Variants in GCN1 observed in about 807,000 individuals in gnomAD.
GCN1 encodes the protein stalled ribosome sensor GCN1.
Under a neutral mutation model 288.4 loss-of-function variants are expected in GCN1, and 90 were observed. The observed-to-expected ratio is 0.31, with a 90% confidence interval of 0.26 to 0.37. GCN1 has a LOEUF of 0.37. Ranked by LOEUF, GCN1 falls within the 10% of genes least tolerant of loss-of-function variation. The pLI is 1.00. For synonymous variants in GCN1, 1,386 were observed against 1,420.2 expected (o/e 0.98, Z 0.54); for missense variants, 2,586 against 3,419.9 (o/e 0.76, Z 6.08).
rs762094077 is a variant in GCN1, at chr12:120,137,582, A to C, written c.6626T>G (p.Leu2209Arg). The change falls in exon 49 of 58, where the codon CTG becomes CGG. Residue 2209 changes from leucine (L) to arginine (R), a missense_variant. Physicochemically the swap from Leu to Arg is moderately radical, Grantham distance 102. Coordinates refer to ENST00000300648, the MANE Select transcript of GCN1 (RefSeq NM_006836.2). This position sits in a 1 kb window ranked among gnomAD's most constrained non-coding sequence, Gnocchi z 5.2. ...ATTTAGGGCATCCCAGCTCTCCTCC[A>C]GAACCACAGGGCTGGAGTCATTGAA... ...RLFNDSSPVV[L>R]EESWDALNAI... 6.8e-6 allele frequency: 11 copies of C among 1,614,114 alleles called. No individual in the cohort carries two copies. Among genetic ancestry groups the C allele is most frequent in the Non-Finnish European group, 9.3e-6 (11 of 1,180,052 alleles).
intron 9 of GCN1, 143 bp downstream of exon 9, chr12:120,177,304 T>C: frequency 1.7e-6 from 1 of 593,984 alleles, no homozygotes; most frequent in African/African-American, 1.9e-5. Flanking sequence ...CCCCAATCTC[T>C]CTCCCAAGGT....
In GCN1 at chr12:120,165,022, CACACACACACACACAT is replaced by C. The variant is rs966232467; in HGVS notation, c.1613-317_1613-302del. On this transcript the variant is annotated intron_variant, in intron 16 of 57. Coordinates refer to ENST00000300648, the MANE Select transcript of GCN1 (RefSeq NM_006836.2). Reference sequence around the variant, plus strand: ...ATATATACACACACACACACACACACACACACACACACACATATATATATATATATTTTTTTTTTTG... The same window carrying C: ...ATATATACACACACACACACACACACATATATATATATATTTTTTTTTTTG... Among the ~76,000 whole-genome samples the C allele has an allele frequency of 1.2e-4, 17 of 145,024 alleles. No individual in the cohort carries two copies. The South Asian group carries it at 2.4e-3, about 20-fold the overall frequency.
chr12:120,151,355 C>A lies in GCN1; in HGVS notation c.4099G>T (p.Val1367Leu). 1.2e-6 allele frequency: 2 copies of A among 1,613,804 alleles called. No individual in the cohort carries two copies. The highest frequency in any genetic ancestry group is 1.7e-6 in the Non-Finnish European group (2 of 1,179,870). The change falls in exon 34 of 58, where the codon GTG becomes TTG. Residue 1367 changes from valine (V) to leucine (L), a missense_variant. Val to Leu is a conservative substitution (Grantham distance 32). This residue lies in a region of GCN1 where 332 missense variants were observed against 403.0 expected (regional missense o/e 0.82). Transcript: ENST00000300648. Reference protein sequence around the residue: ...ESVASCLPPLVPAIKEDAGGM... With the variant: ...ESVASCLPPLLPAIKEDAGGM... ...CCAGCATCCTCCTTGATGGCTGGCA[C>A]AAGGGGTGGCAAGCAGCTGGCTACG... is the stretch of plus-strand genomic sequence containing the variant.
At chr12:120,169,295 A>AAAAAAAAAAAAC in intron 15 of GCN1, among the ~76,000 whole-genome samples, 2 of 81,322 alleles carry the variant, frequency 2.5e-5, no homozygotes, top group African/African-American at 1.9e-4. Context: ...AAAAAAAAAA[A>AAAAAAAAAAAAC]GAAAAAAAAA....
At chr12:120,177,958 C>G (rs575076558) in intron 7 of GCN1, among the ~76,000 whole-genome samples, 11 of 152,250 alleles carry the variant, frequency 7.2e-5, no homozygotes, top group African/African-American at 2.6e-4. Context: ...AGTCCAAAGT[C>G]CTTCGTATGG....
Position 120,156,622 on chromosome 12 carries a change from C to T in GCN1, c.3169-18G>A. ...GCCAGAACCTAAGGAGAACATCAAT[C>T]CACTGGTTCAGTCAGCAACTCATTT... On this transcript the variant is annotated intron_variant, in intron 27 of 57. Transcript: ENST00000300648. This position sits in a 1 kb window ranked among gnomAD's most constrained non-coding sequence, Gnocchi z 5.8. 1.2e-6 allele frequency: 2 copies of T among 1,613,128 alleles called. No homozygotes were observed. The highest frequency in any genetic ancestry group is 1.1e-5 in the South Asian group (1 of 91,022).
At position 120,127,548 on chromosome 12, in the gene GCN1, C is replaced by G. The variant is rs1876656595; in HGVS notation, c.*301G>C. ...GGAGAAGAGGAACCCACAGTCTGACCCTGCTATTATAGTTCCAGACCTAGC... is the reference window on the plus strand; with the variant it reads ...GGAGAAGAGGAACCCACAGTCTGACGCTGCTATTATAGTTCCAGACCTAGC... On this transcript the variant is annotated 3_prime_UTR_variant, in exon 58 of 58. Coordinates refer to ENST00000300648, the MANE Select transcript of GCN1 (RefSeq NM_006836.2). 3.5e-6 allele frequency: 1 copy of G among 287,218 alleles called. No homozygotes were observed. Among genetic ancestry groups the G allele is most frequent in the Admixed American group, 4.6e-5 (1 of 21,704 alleles). The allele number at this position is 287,218 out of a possible 1,614,324, so 17.8% of individuals were successfully genotyped here.
rs745971780 is a variant in GCN1, at chr12:120,175,741, C to T, written c.1042+5G>A. On this transcript the variant is annotated splice_donor_5th_base_variant and intron_variant, in intron 11 of 57. Transcript: ENST00000300648. ...CCACCCGCATGGCCAAGAAGGCTTG[C>T]TCACCTCCGAGGATAGCAAATAGGT... 5.0e-6 allele frequency: 8 copies of T among 1,609,690 alleles called. No homozygotes were observed. Among genetic ancestry groups the T allele is most frequent in the South Asian group, 1.1e-5 (1 of 90,092 alleles).
chr12:120,187,684 C>T (rs1447278857), intron 2 of GCN1, among the ~76,000 whole-genome samples: 1 of 152,002 alleles, frequency 6.6e-6, no homozygotes, highest in Non-Finnish European at 1.5e-5. Flanking sequence ...CCTCAACCTC[C>T]TGGGCTCAAG....
At chr12:120,174,314 T>C in intron 12 of GCN1, 145 bp from the exon 13 acceptor site, 1 of 596,628 alleles carries the variant, frequency 1.7e-6, no homozygotes, top group Non-Finnish European at 3.1e-6. Flanking sequence ...ATTATTGATC[T>C]TCCTTCAATG....
At chr12:120,180,173 G>A (rs1700605811) in intron 5 of GCN1, among the ~76,000 whole-genome samples, 1 of 152,136 alleles carries the variant, frequency 6.6e-6, no homozygotes, top group African/African-American at 2.4e-5. Flanking sequence ...GGGTGTGGTG[G>A]CGCATGCCTG....
At chr12:120,159,583 T>C (rs1877862317) in intron 24 of GCN1, among the ~76,000 whole-genome samples, 1 of 152,174 alleles carries the variant, frequency 6.6e-6, no homozygotes, top group Non-Finnish European at 1.5e-5. Context: ...GATCGAACAC[T>C]GACTAGCATC....
intron 2 of GCN1, among the ~76,000 whole-genome samples, chr12:120,185,834 T>A (rs1160407947): frequency 6.6e-6 from 1 of 152,068 alleles, no homozygotes; most frequent in Non-Finnish European, 1.5e-5. Context: ...CTTGTGACCT[T>A]GTGATCCACC....
chr12:120,168,337 A>C, intron 15 of GCN1, 37 bp from the exon 16 acceptor site: 2 of 1,198,254 alleles, frequency 1.7e-6, no homozygotes, highest in Non-Finnish European at 2.5e-6. Flanking sequence ...GACGCAGCTC[A>C]CCACATCCCC....
chr12:120,134,902 C>G lies in GCN1; in HGVS notation c.7009-176G>C, dbSNP rs1331539441. Among the ~76,000 whole-genome samples the G allele has an allele frequency of 6.6e-6, 1 of 152,238 alleles. No homozygotes were observed. The highest frequency in any genetic ancestry group is 1.9e-4 in the East Asian group (1 of 5,194). ...CAAACACAGACAGGTTTCGCTTGGC[C>G]TCCTGGTCATATCCAGCATGCTTTG... On this transcript the variant is annotated intron_variant, in intron 51 of 57. Transcript: ENST00000300648. This position sits in a 1 kb window ranked among gnomAD's most constrained non-coding sequence, Gnocchi z 5.0.
chr12:120,188,292 G>A (rs984628213), intron 2 of GCN1, among the ~76,000 whole-genome samples: 2 of 152,092 alleles, frequency 1.3e-5, no homozygotes, highest in African/African-American at 4.8e-5. Flanking sequence ...ATATTAGCTG[G>A]GCGTGGTAGC....
intron 39 of GCN1, 75 bp from the exon 40 acceptor site, chr12:120,145,136 G>A (rs1877324436): frequency 6.3e-7 from 1 of 1,577,312 alleles, no homozygotes; most frequent in South Asian, 1.1e-5. Flanking sequence ...GGAGCAGGAA[G>A]GGGCACCGAG....
chr12:120,138,643 C>A (rs1032977735), intron 46 of GCN1, 52 bp downstream of exon 46: 1 of 1,562,772 alleles, frequency 6.4e-7, no homozygotes, highest in East Asian at 2.3e-5. Flanking sequence ...TTTCCATCTA[C>A]AAAGACGGCA....
In GCN1 at chr12:120,161,995, T is replaced by C; in HGVS notation, c.2227A>G (p.Ile743Val). 6.2e-7 allele frequency: 1 copy of C among 1,612,786 alleles called. No individual in the cohort carries two copies. Among genetic ancestry groups the C allele is most frequent in the South Asian group, 1.1e-5 (1 of 91,042 alleles). ...TGCACGGAGGCAGTGATGGTGCTGA[T>C]GAGCTGTGGGAGGACCCGGTCCGGC... ...LSPDRVLPQL[I>V]STITASVQNP... Residue 743 changes from isoleucine to valine, a missense_variant, in exon 21 of 58, where the codon ATC becomes GTC. Ile to Val is a conservative substitution (Grantham distance 29, BLOSUM62 3). This residue lies in a region of GCN1 where 913 missense variants were observed against 1,107.0 expected (regional missense o/e 0.82). Coordinates refer to ENST00000300648, the MANE Select transcript of GCN1 (RefSeq NM_006836.2).
Sources: allele counts gnomAD v4.1 joint callset (sites outside exome capture counted in the v4.1 genomes callset), GRCh38; gene constraint gnomAD v4.1.1; regional missense constraint gnomAD v4.1.1; non-coding constraint Gnocchi (gnomAD v3.1); transcripts MANE v1.5; gene names NCBI Gene and HGNC (gene_info 2026-07-23, HGNC 2026-07-21).